THADA: variants seen among roughly 807,000 people sequenced by gnomAD.
THADA encodes the protein THADA armadillo repeat containing, also known as tRNA (32-2'-O)-methyltransferase regulator THADA.
A neutral mutation model predicts 219.8 loss-of-function variants in THADA; 213 were observed. The ratio of observed to expected loss-of-function variants is 0.97; its 90% CI spans 0.87 to 1.09. The LOEUF (loss-of-function observed/expected upper bound fraction) is 1.09, where lower values mean the gene tolerates loss of function less well. Among genes scored for constraint, THADA ranks in the 50% least tolerant of loss-of-function variants. THADA has a pLI of 0.00. For missense variants in THADA, 2,956 were observed against 2,311.3 expected (o/e 1.28, Z -5.72); for synonymous variants, 1,018 against 828.9 (o/e 1.23, Z -3.92).
intron 22 of THADA, among the ~76,000 whole-genome samples, chr2:43,524,717 T>C (rs1226279272): frequency 1.3e-5 from 2 of 152,216 alleles, no homozygotes; most frequent in African/African-American, 4.8e-5. Flanking sequence ...GATCAAGAAC[T>C]ACTTGGTTTG....
intron 7 of THADA, among the ~76,000 whole-genome samples, chr2:43,583,264 A>G (rs1700653165): frequency 6.6e-6 from 1 of 152,146 alleles, no homozygotes; most frequent in Non-Finnish European, 1.5e-5. Context: ...CATTGTAATC[A>G]TCCTTGCCAC....
At chr2:43,256,226 C>T (rs753164435) in intron 36 of THADA, among the ~76,000 whole-genome samples, 6 of 152,118 alleles carry the variant, frequency 3.9e-5, no homozygotes, top group Non-Finnish European at 8.8e-5. Flanking sequence ...AACCCGCTTA[C>T]GTCTGGGTGC....
At chr2:43,358,152 A>G (rs1167493176) in intron 29 of THADA, among the ~76,000 whole-genome samples, 4 of 152,206 alleles carry the variant, frequency 2.6e-5, no homozygotes, top group Non-Finnish European at 5.9e-5. Flanking sequence ...GAATCTGTAT[A>G]ATGACTACCA....
At chr2:43,249,288 A>G (rs1440168103) in intron 36 of THADA, among the ~76,000 whole-genome samples, 1 of 152,086 alleles carries the variant, frequency 6.6e-6, no homozygotes, top group African/African-American at 2.4e-5. Flanking sequence ...GGTTTTTGCC[A>G]TGTTGTCCAG....
intron 21 of THADA, among the ~76,000 whole-genome samples, chr2:43,537,417 G>A (rs1694750072): frequency 6.6e-6 from 1 of 152,136 alleles, no homozygotes. Flanking sequence ...ATAGGATGTG[G>A]TTACATGCAC....
chr2:43,340,737 T>C (rs1666972978), intron 30 of THADA, among the ~76,000 whole-genome samples: 1 of 152,162 alleles, frequency 6.6e-6, no homozygotes. Flanking sequence ...ACCAGGGACA[T>C]AAAAAAGCCT....
At chr2:43,566,969 T>TAACC in intron 14 of THADA, 148 bp from the exon 15 acceptor site, 1 of 585,696 alleles carries the variant, frequency 1.7e-6, no homozygotes, top group Non-Finnish European at 2.7e-6. Context: ...TTCACTTTGC[T>TAACC]TAATAATTCA....
At chr2:43,563,259 C>T (rs545032852) in intron 15 of THADA, 6 of 152,274 alleles carry the variant, frequency 3.9e-5, no homozygotes, top group Admixed American at 2.0e-4. Flanking sequence ...TGCTTTCATT[C>T]ATCTCAAAAT....
intron 28 of THADA, among the ~76,000 whole-genome samples, chr2:43,403,090 A>G (rs1675067340): frequency 6.6e-6 from 1 of 152,236 alleles, no homozygotes; most frequent in Non-Finnish European, 1.5e-5. Flanking sequence ...ACCTTATTTT[A>G]AGATGAACAG....
chr2:43,503,160 G>C (rs577596045), intron 24 of THADA, among the ~76,000 whole-genome samples: 1 of 152,284 alleles, frequency 6.6e-6, no homozygotes, highest in African/African-American at 2.4e-5. Flanking sequence ...CAACATAACA[G>C]CATCAGATTG....
chr2:43,305,104 A>G (rs978911670), intron 31 of THADA, among the ~76,000 whole-genome samples: 6 of 152,244 alleles, frequency 3.9e-5, no homozygotes, highest in African/African-American at 1.4e-4. Context: ...GGTTCTAAAA[A>G]TAATCACAGA....
chr2:43,457,720 T>TAG (rs1051499073), intron 26 of THADA, among the ~76,000 whole-genome samples: 1 of 152,188 alleles, frequency 6.6e-6, no homozygotes, highest in Non-Finnish European at 1.5e-5. Flanking sequence ...CCACAAATAT[T>TAG]TTCTAACACT....
At chr2:43,293,349 A>C (rs751333863) in intron 31 of THADA, 136 bp from the exon 32 acceptor site, 1 of 965,256 alleles carries the variant, frequency 1.0e-6, no homozygotes, top group Non-Finnish European at 1.5e-6. Context: ...ACACTGTCAT[A>C]AGTGAGTGGC....
intron 7 of THADA, among the ~76,000 whole-genome samples, chr2:43,584,506 A>G (rs1331647528): frequency 6.6e-6 from 1 of 152,196 alleles, no homozygotes; most frequent in African/African-American, 2.4e-5. Flanking sequence ...GAAAAAGGCT[A>G]CCCTGAGTGA....
At chr2:43,405,342 T>C (rs1304699028) in intron 28 of THADA, among the ~76,000 whole-genome samples, 1 of 152,202 alleles carries the variant, frequency 6.6e-6, no homozygotes, top group Non-Finnish European at 1.5e-5. Context: ...CACACCAAGT[T>C]TGTATCCAGT....
chr2:43,497,583 C>T (rs765103137), intron 25 of THADA, among the ~76,000 whole-genome samples: 1 of 152,032 alleles, frequency 6.6e-6, no homozygotes, highest in African/African-American at 2.4e-5. Flanking sequence ...TAATGCATGC[C>T]GGGCTTAAAA....
At chr2:43,307,908 A>T (rs1677045558) in intron 31 of THADA, among the ~76,000 whole-genome samples, 1 of 152,278 alleles carries the variant, frequency 6.6e-6, no homozygotes, top group African/African-American at 2.4e-5. Flanking sequence ...GTAGAACATG[A>T]AAACAGTTAC....
At chr2:43,546,232 A>G (rs1696014740) in intron 20 of THADA, among the ~76,000 whole-genome samples, 1 of 151,852 alleles carries the variant, frequency 6.6e-6, no homozygotes, top group South Asian at 2.1e-4. Flanking sequence ...GTGGTCTGAG[A>G]GACAGTTTGT....
At chr2:43,309,016 G>C (rs546558226) in intron 31 of THADA, among the ~76,000 whole-genome samples, 1 of 152,056 alleles carries the variant, frequency 6.6e-6, no homozygotes, top group African/African-American at 2.4e-5. Flanking sequence ...AAAAGACAAT[G>C]TTAAGAAAAT....
Sources: allele counts gnomAD v4.1 joint callset (sites outside exome capture counted in the v4.1 genomes callset), GRCh38; gene constraint gnomAD v4.1.1; transcripts MANE v1.5; gene names NCBI Gene and HGNC (gene_info 2026-07-23, HGNC 2026-07-21).